The following LRRC2 variants were observed in gnomAD, a reference collection of about 807,000 sequenced individuals.
The protein encoded by LRRC2 is leucine-rich repeat-containing protein 2.
A neutral mutation model predicts 40.2 loss-of-function variants in LRRC2; 27 were observed. The ratio of observed to expected loss-of-function variants is 0.67; its 90% CI spans 0.49 to 0.93. The LOEUF (loss-of-function observed/expected upper bound fraction) is 0.93, where lower values mean the gene tolerates loss of function less well. Ranked by LOEUF, LRRC2 falls within the 40% of genes least tolerant of loss-of-function variation. The pLI, the probability that LRRC2 is intolerant of heterozygous loss-of-function variation, is 0.00. For missense variants in LRRC2, 402 were observed against 439.6 expected (o/e 0.91, Z 0.76); for synonymous variants, 147 against 158.9 (o/e 0.92, Z 0.56).
chr3:46,564,213 C>A (rs956512972), intron 1 of LRRC2, among the ~76,000 whole-genome samples: 1 of 151,554 alleles, frequency 6.6e-6, no homozygotes, highest in African/African-American at 2.4e-5. Context: ...CCTGCAGGGA[C>A]CTTGAGGAAG....
At chr3:46,529,763 A>G in intron 6 of LRRC2, 142 bp downstream of exon 6, 2 of 871,520 alleles carry the variant, frequency 2.3e-6, no homozygotes, top group Non-Finnish European at 3.5e-6. Flanking sequence ...ATTTCCTCGG[A>G]AACTGATTTC....
At chr3:46,547,702 G>A (rs1039347408) in intron 2 of LRRC2, among the ~76,000 whole-genome samples, 4 of 14,352 alleles carry the variant, frequency 2.8e-4, no homozygotes, top group African/African-American at 8.2e-4. Context: ...ATATGTGTGT[G>A]TGTATGTGTG....
chr3:46,551,964 C>CTAATTTTT (rs1306880784), intron 1 of LRRC2, among the ~76,000 whole-genome samples: 1 of 152,002 alleles, frequency 6.6e-6, no homozygotes, highest in Non-Finnish European at 1.5e-5. Context: ...TCACACCCAA[C>CTAATTTTT]TAATTTTTTA....
rs544029282 is a variant in LRRC2 at position 46,537,869 on chromosome 3, G to A, written c.490+1176C>T. Among the ~76,000 whole-genome samples, 8 of 152,338 alleles carry A rather than the reference G, an allele frequency of 5.3e-5. No individual in the cohort carries two copies. In the South Asian group the frequency reaches 1.7e-3, roughly 32 times the overall value. The stretch of plus-strand genomic sequence containing the variant: ...TTGCACTTACAGCTAAGTTTACCAA[G>A]CGTGATGCAGATGGCCTGGATAGAT... On this transcript the variant is annotated intron_variant, in intron 4 of 8. Transcript: ENST00000395905.
At chr3:46,528,789 T>A (rs1002713696) in intron 6 of LRRC2, among the ~76,000 whole-genome samples, 1 of 152,186 alleles carries the variant, frequency 6.6e-6, no homozygotes, top group African/African-American at 2.4e-5. Context: ...GGCCTCTGTG[T>A]CATCATAGCT....
intron 7 of LRRC2, among the ~76,000 whole-genome samples, chr3:46,522,424 C>T (rs1020101029): frequency 7.7e-6 from 1 of 129,598 alleles, no homozygotes; most frequent in Admixed American, 7.7e-5. Context: ...AATAAACAAA[C>T]GATAGGACAG....
In LRRC2 at chr3:46,539,143, G is replaced by T; in HGVS notation, c.392C>A (p.Thr131Asn). Residue 131 changes from threonine (T) to asparagine (N), a missense_variant, in exon 4 of 9, where the codon ACC becomes AAC. By Grantham distance (65) the Thr-to-Asn change is moderately conservative (BLOSUM62 0). Coordinates refer to ENST00000395905, the MANE Select transcript of LRRC2 (RefSeq NM_024512.5). Reference protein sequence around the residue: ...THLREWYISNTLIQIIPTYIQ... With the variant: ...THLREWYISNNLIQIIPTYIQ... Reference sequence around the variant, plus strand: ...ATATGTAGGAATGATTTGAATCAAGGTATTGCTTATGTACCATTCTCTCAG... The same window carrying T: ...ATATGTAGGAATGATTTGAATCAAGTTATTGCTTATGTACCATTCTCTCAG... 6.2e-7 allele frequency: 1 copy of T among 1,613,848 alleles called. No homozygotes were observed. The highest frequency in any genetic ancestry group is 8.5e-7 in the Non-Finnish European group (1 of 1,179,784).
chr3:46,539,025 C>T lies in LRRC2; in HGVS notation c.490+20G>A. On this transcript the variant is annotated intron_variant, in intron 4 of 8. Coordinates refer to ENST00000395905, the MANE Select transcript of LRRC2 (RefSeq NM_024512.5). ...GCTTAACACACCAGAGGCCCGAAGA[C>T]CCCTGCTAAGTTGACATACCGATTT... The T allele has an allele frequency of 1.2e-6, 2 of 1,611,854 alleles. No individual in the cohort carries two copies. The highest frequency in any genetic ancestry group is 2.2e-5 in the East Asian group (1 of 44,860).
At position 46,516,378 on chromosome 3, in the gene LRRC2, T is replaced by C. The variant is rs1157491648; in HGVS notation, c.*2636A>G. ...TTTTACACCTGTTGAGAATAAAATG[T>C]TTGGACTTATGAGTAAGCCCACCAA... On this transcript the variant is annotated 3_prime_UTR_variant, in exon 9 of 9. Coordinates refer to ENST00000395905, the MANE Select transcript of LRRC2 (RefSeq NM_024512.5). 6.6e-6 allele frequency: 1 copy of C among 152,006 alleles called. No homozygotes were observed. The highest frequency in any genetic ancestry group is 1.5e-5 in the Non-Finnish European group (1 of 67,992). 9.4% of individuals were successfully genotyped at this position (152,006 alleles called of 1,614,324 possible). A position where few individuals can be genotyped will look rare whatever the true frequency, so the allele number is the denominator to read the frequency against.
chr3:46,556,576 C>CTTT (rs143635012), intron 1 of LRRC2, among the ~76,000 whole-genome samples: 92 of 104,760 alleles, frequency 8.8e-4, no homozygotes, highest in East Asian at 1.8e-3. Flanking sequence ...GTCATTATTT[C>CTTT]TTTTTTTTTT....
intron 1 of LRRC2, among the ~76,000 whole-genome samples, chr3:46,556,858 TGA>T (rs1464131433): frequency 2.6e-5 from 4 of 152,188 alleles, no homozygotes; most frequent in African/African-American, 9.6e-5. Context: ...ATTACAGGCG[TGA>T]GCCATCGCGC....
At position 46,545,191 on chromosome 3, in the gene LRRC2, T is replaced by C; in HGVS notation, c.188A>G (p.Tyr63Cys). The C allele has an allele frequency of 6.2e-7, 1 of 1,614,206 alleles. No homozygotes were observed. Among genetic ancestry groups the C allele is most frequent in the Non-Finnish European group, 8.5e-7 (1 of 1,180,036 alleles). The change falls in exon 3 of 9, where the codon TAC becomes TGC. Residue 63 changes from tyrosine to cysteine, a missense_variant. Tyr to Cys is a radical substitution (Grantham distance 194, BLOSUM62 -2). Coordinates refer to ENST00000395905, the MANE Select transcript of LRRC2 (RefSeq NM_024512.5). ...CRRKGIPQAVYCKNGFIDTSV... is the reference protein window; with the variant it reads ...CRRKGIPQAVCCKNGFIDTSV... ...GGTGTCTATGAAGCCATTCTTGCAGTATACAGCCTGGGGGATGCCCTTCCT... is the reference window on the plus strand; with the variant it reads ...GGTGTCTATGAAGCCATTCTTGCAGCATACAGCCTGGGGGATGCCCTTCCT...
intron 5 of LRRC2, among the ~76,000 whole-genome samples, chr3:46,531,261 G>A (rs547231011): frequency 6.6e-6 from 1 of 152,034 alleles, no homozygotes; most frequent in African/African-American, 2.4e-5. Context: ...GAGTGGGAAT[G>A]GGGATTCATA....
chr3:46,538,236 C>T (rs563837200), intron 4 of LRRC2, among the ~76,000 whole-genome samples: 2 of 152,322 alleles, frequency 1.3e-5, no homozygotes, highest in South Asian at 4.2e-4. Flanking sequence ...CAGACCTTCA[C>T]TCCTTGCACC....
chr3:46,535,213 A>G (rs1057397432), intron 4 of LRRC2, among the ~76,000 whole-genome samples: 1 of 152,198 alleles, frequency 6.6e-6, no homozygotes, highest in Non-Finnish European at 1.5e-5. Context: ...CTCCCTTTTT[A>G]TTATTGTGTT....
intron 6 of LRRC2, among the ~76,000 whole-genome samples, chr3:46,529,567 C>T (rs1404980101): frequency 3.3e-5 from 5 of 152,284 alleles, no homozygotes; most frequent in Admixed American, 1.3e-4. Flanking sequence ...TCTAAACATA[C>T]AGTGATATGT....
chr3:46,550,671 G>A (rs536888208), intron 2 of LRRC2, among the ~76,000 whole-genome samples: 2 of 152,280 alleles, frequency 1.3e-5, no homozygotes, highest in East Asian at 3.9e-4. Context: ...GATTACAGGC[G>A]TGAGCCACTG....
At chr3:46,542,627 T>C (rs1304536420) in intron 3 of LRRC2, among the ~76,000 whole-genome samples, 1 of 151,718 alleles carries the variant, frequency 6.6e-6, no homozygotes, top group African/African-American at 2.4e-5. Flanking sequence ...TTAAGAGATA[T>C]CTGTAAAAGT....
chr3:46,525,730 G>T (rs1704047807), intron 7 of LRRC2, among the ~76,000 whole-genome samples: 1 of 152,142 alleles, frequency 6.6e-6, no homozygotes, highest in Admixed American at 6.5e-5. Context: ...ATTTTTGGAA[G>T]AAATCACATC....
Sources: gnomAD v4.1 joint callset for allele counts (sites outside exome capture counted in the v4.1 genomes callset) on GRCh38, gnomAD v4.1.1 for gene constraint, MANE v1.5 for transcripts, NCBI Gene and HGNC (gene_info 2026-07-23, HGNC 2026-07-21) for gene names.